Variants in RPN2 observed in about 807,000 individuals in gnomAD.
The protein encoded by RPN2 is ribophorin II.
Under a neutral mutation model 71.4 loss-of-function variants are expected in RPN2, and 29 were observed. That is an observed-to-expected ratio of 0.41 (90% CI 0.30 to 0.55). RPN2 has a LOEUF of 0.55. Ranked by LOEUF, RPN2 falls within the 20% of genes least tolerant of loss-of-function variation. The probability of loss-of-function intolerance (pLI) is 0.35; values close to 1 mark genes in which losing one functional copy is unlikely to be tolerated. For missense variants in RPN2, 726 were observed against 774.1 expected (o/e 0.94, Z 0.74); for synonymous variants, 308 against 305.0 (o/e 1.01, Z -0.10).
intron 9 of RPN2, among the ~76,000 whole-genome samples, chr20:37,215,520 GTTCTTTTTTTCTT>G (rs2067785516): frequency 6.6e-6 from 1 of 152,130 alleles, no homozygotes; most frequent in African/African-American, 2.4e-5. Flanking sequence ...TAAAAGGAAA[GTTCTTTTTTTCTT>G]TTCTTTTTTT....
rs536295155 is a variant in RPN2, at chr20:37,212,269, ACT to A, written c.987-1488_987-1487del. On this transcript the variant is annotated intron_variant, in intron 8 of 16. Transcript: ENST00000237530. ...ACTCCAGCCTGGGTGACAGAGGGAGACTCTGTCTCAAAAACAAAAACAAAAAA... is the reference window on the plus strand; with the variant it reads ...ACTCCAGCCTGGGTGACAGAGGGAGACTGTCTCAAAAACAAAAACAAAAAA... Among the ~76,000 whole-genome samples the A allele has an allele frequency of 1.6e-3, 236 of 151,858 alleles. 1 individual carries two copies. Among genetic ancestry groups the A allele is most frequent in the African/African-American group, 5.0e-3 (208 of 41,412 alleles).
In RPN2 at chr20:37,225,771, T is replaced by A; in HGVS notation, c.1268T>A (p.Val423Glu). ...NFALFFQLVDVNTGAELTPHQ... is the reference protein window; with the variant it reads ...NFALFFQLVDENTGAELTPHQ... The stretch of plus-strand genomic sequence containing the variant: ...GCCTTGTTCTTCCAGCTGGTAGATG[T>A]GAACACTGGTGCTGAACTCACTCCT... Residue 423 changes from valine to glutamate, a missense_variant, in exon 11 of 17, where the codon GTG (valine) becomes GAG (glutamate). Physicochemically the swap from Val to Glu is moderately radical, Grantham distance 121 (BLOSUM62 -2). Coordinates refer to ENST00000237530, the MANE Select transcript of RPN2 (RefSeq NM_002951.5). The A allele has an allele frequency of 6.2e-7, 1 of 1,613,884 alleles. No individual in the cohort carries two copies. The highest frequency in any genetic ancestry group is 8.5e-7 in the Non-Finnish European group (1 of 1,179,774).
chr20:37,217,910 A>G (rs1220011637), intron 9 of RPN2, among the ~76,000 whole-genome samples: 1 of 151,516 alleles, frequency 6.6e-6, no homozygotes, highest in East Asian at 2.0e-4. Context: ...ATTTTTTTGT[A>G]TTTTTAGTAG....
intron 14 of RPN2, 144 bp downstream of exon 14, chr20:37,232,535 A>G: frequency 2.9e-6 from 3 of 1,039,768 alleles, no homozygotes; most frequent in Non-Finnish European, 4.4e-6. Context: ...TGCTCAAGAC[A>G]TTTTAGAATG....
chr20:37,224,758 G>T (rs906779934), intron 10 of RPN2, among the ~76,000 whole-genome samples: 5 of 152,116 alleles, frequency 3.3e-5, no homozygotes, highest in Non-Finnish European at 5.9e-5. Flanking sequence ...AGCTATAGAG[G>T]CCAGAAGACA....
At chr20:37,234,394 A>G (rs930102856) in intron 15 of RPN2, among the ~76,000 whole-genome samples, 3 of 152,224 alleles carry the variant, frequency 2.0e-5, no homozygotes, top group African/African-American at 7.2e-5. Context: ...GTATCTTTAC[A>G]TTGAGCAATC....
intron 2 of RPN2, among the ~76,000 whole-genome samples, chr20:37,189,812 C>T (rs1237721042): frequency 1.3e-5 from 2 of 152,302 alleles, no homozygotes; most frequent in South Asian, 2.1e-4. Context: ...GAAATGGTAG[C>T]TATTATCGTT....
At chr20:37,193,082 C>CA (rs1473834921) in intron 2 of RPN2, among the ~76,000 whole-genome samples, 1 of 152,174 alleles carries the variant, frequency 6.6e-6, no homozygotes, top group Non-Finnish European at 1.5e-5. Flanking sequence ...GAGCTACGAT[C>CA]ATGCCACTGC....
At chr20:37,193,367 G>T (rs2067188118) in intron 2 of RPN2, among the ~76,000 whole-genome samples, 1 of 152,188 alleles carries the variant, frequency 6.6e-6, no homozygotes, top group African/African-American at 2.4e-5. Context: ...TTCAGGCAGA[G>T]GAAACAGCCT....
intron 7 of RPN2, among the ~76,000 whole-genome samples, chr20:37,208,984 C>A (rs1294709865): frequency 6.6e-6 from 1 of 152,138 alleles, no homozygotes; most frequent in Non-Finnish European, 1.5e-5. Context: ...TAGAAAGTAA[C>A]CTGAGTAACA....
At chr20:37,187,894 C>T (rs923376033) in intron 2 of RPN2, among the ~76,000 whole-genome samples, 6 of 152,148 alleles carry the variant, frequency 3.9e-5, no homozygotes, top group African/African-American at 1.4e-4. Flanking sequence ...TTGCCCTCCT[C>T]GGCCTCCCAA....
At chr20:37,197,492 A>G (rs1339521084) in intron 2 of RPN2, among the ~76,000 whole-genome samples, 1 of 152,116 alleles carries the variant, frequency 6.6e-6, no homozygotes, top group African/African-American at 2.4e-5. Context: ...GGGTGGGGAA[A>G]AGTCAAGGAT....
intron 9 of RPN2, among the ~76,000 whole-genome samples, chr20:37,215,183 G>A (rs2067778014): frequency 6.6e-6 from 1 of 152,062 alleles, no homozygotes; most frequent in African/African-American, 2.4e-5. Context: ...TTTGGCCTTT[G>A]GAGAGCTCCT....
At chr20:37,195,065 G>A (rs1201249609) in intron 2 of RPN2, among the ~76,000 whole-genome samples, 2 of 152,124 alleles carry the variant, frequency 1.3e-5, no homozygotes, top group Non-Finnish European at 2.9e-5. Flanking sequence ...TGGGGTATTA[G>A]CACAGAAAGT....
chr20:37,216,837 T>G (rs960859133), intron 9 of RPN2, among the ~76,000 whole-genome samples: 2 of 152,244 alleles, frequency 1.3e-5, no homozygotes, highest in African/African-American at 4.8e-5. Flanking sequence ...GAAGTTCATT[T>G]TTGTTGCTGT....
At chr20:37,179,450 G>T in intron 1 of RPN2, 81 bp downstream of exon 1, 1 of 1,427,342 alleles carries the variant, frequency 7.0e-7, no homozygotes. Context: ...CCGGCCAGGC[G>T]GGATCCCCTT....
intron 1 of RPN2, among the ~76,000 whole-genome samples, chr20:37,182,544 C>T (rs2066910273): frequency 6.6e-6 from 1 of 152,026 alleles, no homozygotes; most frequent in African/African-American, 2.4e-5. Context: ...GCACACGCCA[C>T]CATGCCTGGC....
chr20:37,236,583 T>G lies in RPN2; in HGVS notation c.1757T>G (p.Met586Arg). The change falls in exon 16 of 17, where the codon ATG (methionine) becomes AGG (arginine). Residue 586 changes from methionine (M) to arginine (R), a missense_variant. By Grantham distance (91) the Met-to-Arg change is moderately conservative. Transcript: ENST00000237530. ...TIIFHLGHAAMLGLMYVYWTQ... is the reference protein window; with the variant it reads ...TIIFHLGHAARLGLMYVYWTQ... ...GTCATGACACCTCTTCTTGCAGCTATGCTGGGACTCATGTATGTCTACTGG... is the reference window on the plus strand; with the variant it reads ...GTCATGACACCTCTTCTTGCAGCTAGGCTGGGACTCATGTATGTCTACTGG... 6.2e-7 allele frequency: 1 copy of G among 1,614,156 alleles called. No individual in the cohort carries two copies.
intron 15 of RPN2, among the ~76,000 whole-genome samples, chr20:37,234,333 A>G (rs2068326614): frequency 6.6e-6 from 1 of 152,234 alleles, no homozygotes; most frequent in Non-Finnish European, 1.5e-5. Flanking sequence ...TTGGCAGACC[A>G]TTTACCCTCA....
Sources: allele counts gnomAD v4.1 joint callset (sites outside exome capture counted in the v4.1 genomes callset), GRCh38; gene constraint gnomAD v4.1.1; transcripts MANE v1.5; gene names NCBI Gene and HGNC (gene_info 2026-07-23, HGNC 2026-07-21).